SULF1: variants seen among roughly 807,000 people sequenced by gnomAD.
SULF1 encodes extracellular sulfatase Sulf-1.
Under a neutral mutation model 110.5 loss-of-function variants are expected in SULF1, and 46 were observed. The ratio of observed to expected loss-of-function variants is 0.42; its 90% CI spans 0.33 to 0.53. The LOEUF is 0.53. Among genes scored for constraint, SULF1 ranks in the 20% least tolerant of loss-of-function variants. The pLI, the probability that SULF1 is intolerant of heterozygous loss-of-function variation, is 0.12. For missense variants in SULF1, 941 were observed against 1,094.2 expected (o/e 0.86, Z 1.98); for synonymous variants, 371 against 387.1 (o/e 0.96, Z 0.49).
At chr8:69,545,269 A>G (rs1223056493) in intron 3 of SULF1, among the ~76,000 whole-genome samples, 1 of 152,136 alleles carries the variant, frequency 6.6e-6, no homozygotes, top group East Asian at 1.9e-4. Context: ...TGTTTGTCCT[A>G]TTTCAAATAT....
chr8:69,623,706 A>T (rs550016004), intron 14 of SULF1, among the ~76,000 whole-genome samples: 1 of 152,266 alleles, frequency 6.6e-6, no homozygotes, highest in East Asian at 1.9e-4. Flanking sequence ...GGCCCAGAGA[A>T]GTGTGTCATC....
Position 69,624,181 on chromosome 8 carries a change from G to C in SULF1, c.1834G>C (p.Val612Leu), listed in dbSNP as rs200550270. ...SSNAVGPPTT[V>L]RVTHKCFILP... ...CAACGCCGTGGGCCCACCTACCACT[G>C]TCCGAGTGACACACAAGTAAGAAAG... The change falls in exon 15 of 23, where the codon GTC becomes CTC. Residue 612 changes from valine to leucine, a missense_variant. By Grantham distance (32) the Val-to-Leu change is conservative (BLOSUM62 1). Around this residue, in one of 3 missense-constraint regions of SULF1, gnomAD observed 822 missense variants for 934.3 expected, o/e 0.88. Transcript: ENST00000402687. 9 of 1,587,280 alleles carry C rather than the reference G, an allele frequency of 5.7e-6. No homozygotes were observed. In the African/African-American group the frequency reaches 1.1e-4, roughly 19 times the overall value.
chr8:69,467,347 G>A (rs1459241065), intron 1 of SULF1, among the ~76,000 whole-genome samples: 1 of 152,198 alleles, frequency 6.6e-6, no homozygotes, highest in East Asian at 1.9e-4. Flanking sequence ...ATTCTTTGAA[G>A]GGTCTATTAC....
intron 3 of SULF1, among the ~76,000 whole-genome samples, chr8:69,517,885 A>G (rs931419400): frequency 1.3e-5 from 2 of 152,212 alleles, no homozygotes; most frequent in Non-Finnish European, 2.9e-5. Context: ...AAATCCTCCA[A>G]GTGATTGGCA....
intron 13 of SULF1, among the ~76,000 whole-genome samples, chr8:69,609,426 G>A (rs2130458025): frequency 6.6e-6 from 1 of 152,178 alleles, no homozygotes; most frequent in East Asian, 1.9e-4. Flanking sequence ...GCACCCCCCA[G>A]ACCAACCAGG....
intron 13 of SULF1, among the ~76,000 whole-genome samples, chr8:69,614,233 G>A (rs1808901416): frequency 6.6e-6 from 1 of 152,224 alleles, no homozygotes; most frequent in Non-Finnish European, 1.5e-5. Flanking sequence ...ACATAGCCAT[G>A]TGATAGAGCT....
intron 19 of SULF1, among the ~76,000 whole-genome samples, chr8:69,632,595 C>T (rs915578132): frequency 2.0e-5 from 3 of 152,110 alleles, no homozygotes; most frequent in African/African-American, 7.2e-5. Context: ...GTCAAATCCA[C>T]CCAGGCACAA....
chr8:69,627,354 G>C, intron 16 of SULF1, 48 bp downstream of exon 16: 1 of 1,454,520 alleles, frequency 6.9e-7, no homozygotes, highest in Non-Finnish European at 9.6e-7. Context: ...ACTCAAACTC[G>C]GCCTGCCAGC....
In SULF1 at chr8:69,560,339, C is replaced by CTT. The variant is rs5892203; in HGVS notation, c.-133-3189_-133-3188dup. Among the ~76,000 whole-genome samples the CTT allele has an allele frequency of 7.9e-4, 118 of 149,098 alleles. No homozygotes were observed. In the Middle Eastern group the frequency reaches 0.01, roughly 13 times the overall value. ...CCAGTTGGCTGGACATCCTGCCAGT[C>CTT]TTTTTTTTTTTTCTTTTACATGTGA... On this transcript the variant is annotated intron_variant, in intron 3 of 22. Transcript: ENST00000402687.
intron 1 of SULF1, among the ~76,000 whole-genome samples, chr8:69,479,735 A>C (rs1210950328): frequency 6.6e-6 from 1 of 152,200 alleles, no homozygotes; most frequent in East Asian, 1.9e-4. Flanking sequence ...CTGAGGAAAC[A>C]CAGGACTGGG....
chr8:69,546,985 CT>C (rs1255907088), intron 3 of SULF1, among the ~76,000 whole-genome samples: 1 of 152,168 alleles, frequency 6.6e-6, no homozygotes, highest in African/African-American at 2.4e-5. Context: ...CACAGCTTTC[CT>C]TTGCTTGTCT....
At chr8:69,622,584 CAA>C (rs749121767) in intron 14 of SULF1, among the ~76,000 whole-genome samples, 5 of 133,806 alleles carry the variant, frequency 3.7e-5, no homozygotes, top group South Asian at 2.4e-4. Context: ...GACTCCGTCT[CAA>C]AAAAAAAAAA....
At chr8:69,629,433 C>A (rs1810349268) in intron 18 of SULF1, 71 bp from the exon 19 acceptor site, 1 of 1,477,822 alleles carries the variant, frequency 6.8e-7, no homozygotes, top group Non-Finnish European at 9.1e-7. Context: ...GCAAGACTCA[C>A]AGCAACAAGC....
chr8:69,598,401 T>C (rs1308159798), intron 8 of SULF1, among the ~76,000 whole-genome samples: 1 of 152,164 alleles, frequency 6.6e-6, no homozygotes, highest in Non-Finnish European at 1.5e-5. Context: ...TTGTTAGTGG[T>C]GGTTTTTTGA....
chr8:69,561,235 T>C (rs1325591862), intron 3 of SULF1, among the ~76,000 whole-genome samples: 3 of 152,158 alleles, frequency 2.0e-5, no homozygotes, highest in African/African-American at 7.2e-5. Context: ...AATTGAACCC[T>C]GTAAATATAT....
Position 69,642,728 on chromosome 8 carries a change from T to C in SULF1, c.2585+1887T>C, listed in dbSNP as rs1278161741. On this transcript the variant is annotated intron_variant, in intron 22 of 22. Transcript: ENST00000402687. The stretch of plus-strand genomic sequence containing the variant: ...TAGTGTCATGAAAGAGATAAAAGGG[T>C]GTTCACAGATTATTTAAGACATAAG... 2.6e-5 allele frequency among the ~76,000 whole-genome samples: 4 copies of C among 152,250 alleles called. No homozygotes were observed. The East Asian group carries it at 7.7e-4, about 29-fold the overall frequency.
intron 5 of SULF1, among the ~76,000 whole-genome samples, chr8:69,574,999 T>C (rs1229374603): frequency 6.6e-6 from 1 of 152,162 alleles, no homozygotes; most frequent in Non-Finnish European, 1.5e-5. Context: ...AAACATAGAC[T>C]TTCTTCCTTT....
At chr8:69,554,302 G>A (rs1193863000) in intron 3 of SULF1, among the ~76,000 whole-genome samples, 1 of 152,214 alleles carries the variant, frequency 6.6e-6, no homozygotes, top group Non-Finnish European at 1.5e-5. Flanking sequence ...ATACTCCACA[G>A]TGACAGTAAG....
chr8:69,554,980 AAAAAAAAAAAAAAAAAAAC>A (rs1380255374), intron 3 of SULF1, among the ~76,000 whole-genome samples: 5 of 27,000 alleles, frequency 1.9e-4, no homozygotes, highest in Non-Finnish European at 5.1e-4. Flanking sequence ...TTCCATCTCA[AAAAAAAAAAAAAAAAAAAC>A]AAAAAAAAAA....
Sources: allele counts gnomAD v4.1 joint callset (sites outside exome capture counted in the v4.1 genomes callset), GRCh38; gene constraint gnomAD v4.1.1; regional missense constraint gnomAD v4.1.1; transcripts MANE v1.5; gene names NCBI Gene and HGNC (gene_info 2026-07-23, HGNC 2026-07-21).